The following ANKRD27 variants were observed in gnomAD, a reference collection of about 807,000 sequenced individuals.
ANKRD27 encodes the protein ankyrin repeat domain-containing protein 27.
ANKRD27 carries 112 observed loss-of-function variants against 129.7 expected under a neutral mutation model. The ratio of observed to expected loss-of-function variants is 0.86; its 90% CI spans 0.74 to 1.01. The LOEUF is 1.01. ANKRD27 is among the 50% of genes least tolerant of loss of function. The pLI is 0.00. For missense variants in ANKRD27, 1,258 were observed against 1,300.5 expected (o/e 0.97, Z 0.50); for synonymous variants, 516 against 511.2 (o/e 1.01, Z -0.13).
chr19:32,599,911 C>T (rs1022458568), intron 27 of ANKRD27, 61 bp downstream of exon 27: 24 of 1,524,812 alleles, frequency 1.6e-5, no homozygotes, highest in South Asian at 1.0e-4. Flanking sequence ...AAGCAGCTTA[C>T]GTGCAGCTTG....
At chr19:32,673,889 G>C (rs1967921578) in intron 1 of ANKRD27, among the ~76,000 whole-genome samples, 1 of 151,742 alleles carries the variant, frequency 6.6e-6, no homozygotes, top group East Asian at 1.9e-4. Flanking sequence ...GCTAGTGCCT[G>C]TAATCCCAAC....
intron 4 of ANKRD27, 34 bp downstream of exon 4, chr19:32,646,425 A>C: frequency 6.3e-7 from 1 of 1,581,976 alleles, no homozygotes; most frequent in Non-Finnish European, 8.6e-7. Flanking sequence ...CATTTTTCTA[A>C]AACAGGAGAA....
At chr19:32,622,763 T>C (rs910482853) in intron 17 of ANKRD27, 144 bp from the exon 18 acceptor site, 5 of 679,148 alleles carry the variant, frequency 7.4e-6, no homozygotes, top group Admixed American at 2.8e-5. Flanking sequence ...GGACACCTCA[T>C]TCTCATTCAT....
intron 2 of ANKRD27, among the ~76,000 whole-genome samples, chr19:32,653,932 G>A (rs148476136): frequency 0.026 from 3,952 of 152,230 alleles, 181 homozygotes; most frequent in African/African-American, 0.09. Context: ...ACAGAGTCTC[G>A]TTCTGCTGCC....
At position 32,604,004 on chromosome 19, in the gene ANKRD27, AG is replaced by A. The variant is rs930152570; in HGVS notation, c.2655+258del. On this transcript the variant is annotated intron_variant, in intron 25 of 28. Transcript: ENST00000306065. ...CGGACCACAGCCCTACTGCTAGCTG[AG>A]GGGGGGGCCCCTCCACTCAGGCCTT... Among the ~76,000 whole-genome samples, 206 of 99,532 alleles carry A rather than the reference AG, an allele frequency of 2.1e-3. 1 individual carries two copies. Among genetic ancestry groups the A allele is most frequent in the Non-Finnish European group, 3.0e-3 (155 of 52,072 alleles). 65.3% of individuals were successfully genotyped at this position (99,532 alleles called of 152,430 possible).
intron 2 of ANKRD27, among the ~76,000 whole-genome samples, chr19:32,657,889 C>A (rs533141897): frequency 3.3e-5 from 5 of 152,170 alleles, no homozygotes; most frequent in African/African-American, 1.2e-4. Flanking sequence ...GCAGGAGAAT[C>A]GCTTGAACCT....
chr19:32,658,230 G>A (rs117449857), intron 2 of ANKRD27, among the ~76,000 whole-genome samples: 4,055 of 152,246 alleles, frequency 0.027, 87 homozygotes, highest in Middle Eastern at 0.068. Flanking sequence ...AAATGCACCC[G>A]GGACACTGTG....
intron 2 of ANKRD27, among the ~76,000 whole-genome samples, chr19:32,650,745 C>CTTTT (rs1164998970): frequency 1.0e-5 from 1 of 99,074 alleles, no homozygotes; most frequent in Non-Finnish European, 2.2e-5. Flanking sequence ...TTTCTTTACG[C>CTTTT]TTTTATTTAT....
chr19:32,629,194 T>G (rs1462090817), intron 13 of ANKRD27, among the ~76,000 whole-genome samples: 1 of 151,822 alleles, frequency 6.6e-6, no homozygotes, highest in African/African-American at 2.4e-5. Context: ...GTGTTGGGAT[T>G]ACAGGCGTGA....
At chr19:32,664,751 G>A (rs114963790) in intron 1 of ANKRD27, among the ~76,000 whole-genome samples, 3,923 of 150,358 alleles carry the variant, frequency 0.026, 184 homozygotes, top group African/African-American at 0.09. Flanking sequence ...TTGAGTCCAC[G>A]AGTTCGAGAA....
chr19:32,669,420 T>C (rs1967824014), intron 1 of ANKRD27, among the ~76,000 whole-genome samples: 1 of 152,214 alleles, frequency 6.6e-6, no homozygotes. Flanking sequence ...AATGAGATAA[T>C]GCAATTTTGC....
chr19:32,616,881 C>T (rs1971928505), intron 21 of ANKRD27, among the ~76,000 whole-genome samples: 1 of 152,154 alleles, frequency 6.6e-6, no homozygotes, highest in Non-Finnish European at 1.5e-5. Flanking sequence ...CTGCCTTCGC[C>T]TCTCTACTTC....
intron 2 of ANKRD27, among the ~76,000 whole-genome samples, chr19:32,652,418 C>G (rs537014684): frequency 6.6e-6 from 1 of 150,728 alleles, no homozygotes; most frequent in Non-Finnish European, 1.5e-5. Flanking sequence ...GGTGAAACCA[C>G]GTCTCTACTA....
chr19:32,649,323 G>A (rs1049972230), intron 3 of ANKRD27, among the ~76,000 whole-genome samples: 1 of 152,042 alleles, frequency 6.6e-6, no homozygotes, highest in Admixed American at 6.6e-5. Context: ...TGTCCTATTC[G>A]GGACCAAGAC....
intron 17 of ANKRD27, among the ~76,000 whole-genome samples, chr19:32,624,428 C>T (rs974876390): frequency 6.6e-6 from 1 of 150,688 alleles, no homozygotes; most frequent in Admixed American, 6.6e-5. Flanking sequence ...ATCTCTGTAA[C>T]GTAGAGCTAA....
At chr19:32,599,274 C>G (rs576221862) in intron 28 of ANKRD27, among the ~76,000 whole-genome samples, 3 of 152,238 alleles carry the variant, frequency 2.0e-5, no homozygotes, top group African/African-American at 7.2e-5. Context: ...GAGCAAGACT[C>G]TGTCTCAAAT....
intron 2 of ANKRD27, among the ~76,000 whole-genome samples, chr19:32,652,605 A>C (rs1967439755): frequency 6.6e-6 from 1 of 150,840 alleles, no homozygotes; most frequent in Non-Finnish European, 1.5e-5. Context: ...GGGGGAAAGA[A>C]AGTCCTGCAG....
intron 1 of ANKRD27, among the ~76,000 whole-genome samples, chr19:32,661,218 T>TCACAC (rs1967638051): frequency 1.3e-5 from 1 of 79,984 alleles, no homozygotes; most frequent in African/African-American, 3.6e-5. Context: ...AAAAAAAAAT[T>TCACAC]ATACACACAC....
chr19:32,647,570 C>T (rs928876406), intron 3 of ANKRD27, among the ~76,000 whole-genome samples: 11 of 152,226 alleles, frequency 7.2e-5, no homozygotes, highest in African/African-American at 1.9e-4. Flanking sequence ...TGTTCAGATG[C>T]GGCAGCTGAG....
Sources: allele counts gnomAD v4.1 joint callset (sites outside exome capture counted in the v4.1 genomes callset), GRCh38; gene constraint gnomAD v4.1.1; transcripts MANE v1.5; gene names NCBI Gene and HGNC (gene_info 2026-07-23, HGNC 2026-07-21).